Variants in LTBP1 observed in about 807,000 individuals in gnomAD.
The protein encoded by LTBP1 is latent transforming growth factor beta binding protein 1, also known as latent-transforming growth factor beta-binding protein 1.
In LTBP1, 129 loss-of-function variants were observed where a neutral mutation model predicts 207.6. The observed-to-expected ratio is 0.62, with a 90% CI of 0.54 to 0.72. LTBP1 has a LOEUF of 0.72. Among genes scored for constraint, LTBP1 ranks in the 30% least tolerant of loss-of-function variants. LTBP1 has a pLI of 0.00. For missense variants in LTBP1, 2,281 were observed against 2,217.2 expected (o/e 1.03, Z -0.58); for synonymous variants, 963 against 833.7 (o/e 1.16, Z -2.67).
At chr2:33,373,443 A>G (rs567255389) in intron 31 of LTBP1, among the ~76,000 whole-genome samples, 1 of 152,342 alleles carries the variant, frequency 6.6e-6, no homozygotes, top group South Asian at 2.1e-4. Context: ...GAATAAAAGA[A>G]TAAAGCACAA....
chr2:33,044,935 T>C (rs1353241589), intron 3 of LTBP1, among the ~76,000 whole-genome samples: 1 of 152,218 alleles, frequency 6.6e-6, no homozygotes, highest in Non-Finnish European at 1.5e-5. Flanking sequence ...GTTCATATCC[T>C]TTGCCCACTT....
intron 5 of LTBP1, among the ~76,000 whole-genome samples, chr2:33,166,742 A>G (rs1280466942): frequency 6.6e-6 from 1 of 152,226 alleles, no homozygotes; most frequent in Admixed American, 6.5e-5. Context: ...ATGAATAGGC[A>G]TATTTTAATA....
At chr2:33,206,953 T>G (rs1266994905) in intron 7 of LTBP1, among the ~76,000 whole-genome samples, 1 of 152,140 alleles carries the variant, frequency 6.6e-6, no homozygotes, top group Non-Finnish European at 1.5e-5. Context: ...ATCACATGAT[T>G]TGTGTTGTTT....
chr2:33,094,059 G>A (rs1457380690), intron 3 of LTBP1, among the ~76,000 whole-genome samples: 2 of 152,136 alleles, frequency 1.3e-5, no homozygotes, highest in Non-Finnish European at 2.9e-5. Context: ...TAGTGGGTTA[G>A]TAATGTAAGT....
At chr2:33,392,311 A>G (rs1306732655) in intron 32 of LTBP1, among the ~76,000 whole-genome samples, 1 of 151,924 alleles carries the variant, frequency 6.6e-6, no homozygotes, top group Non-Finnish European at 1.5e-5. Flanking sequence ...CAGCCTCCTG[A>G]GTAGCCCTGG....
intron 19 of LTBP1, among the ~76,000 whole-genome samples, chr2:33,288,887 G>A (rs1175186779): frequency 6.6e-6 from 1 of 151,958 alleles, no homozygotes; most frequent in Non-Finnish European, 1.5e-5. Context: ...AGAAAAGAAG[G>A]TGGAGTCTGG....
chr2:32,959,620 TA>T lies in LTBP1; in HGVS notation c.565+10676del, dbSNP rs1380399373. Among the ~76,000 whole-genome samples the T allele has an allele frequency of 6.4e-4, 28 of 43,420 alleles. 1 individual carries two copies. In the East Asian group the frequency reaches 9.9e-3, roughly 15 times the overall value. 28.5% of individuals were successfully genotyped at this position (43,420 alleles called of 152,430 possible). On this transcript the variant is annotated intron_variant, in intron 2 of 33. Coordinates refer to ENST00000404816, the MANE Select transcript of LTBP1 (RefSeq NM_206943.4). ...GTGTATATATATATATATATATATATATTTTTTTTTTTTTTTTTGAGATGGA... is the reference window on the plus strand; with the variant it reads ...GTGTATATATATATATATATATATATTTTTTTTTTTTTTTTTTGAGATGGA...
intron 3 of LTBP1, among the ~76,000 whole-genome samples, chr2:33,100,431 G>T (rs1325529571): frequency 1.3e-5 from 2 of 151,686 alleles, no homozygotes; most frequent in Non-Finnish European, 2.9e-5. Flanking sequence ...GGCAGGGGGG[G>T]CAAGAAACCC....
chr2:33,267,327 G>T (rs572566910), intron 15 of LTBP1, among the ~76,000 whole-genome samples: 7 of 152,332 alleles, frequency 4.6e-5, no homozygotes, highest in African/African-American at 1.7e-4. Flanking sequence ...GGGCTGAGTG[G>T]GTAGAACAAG....
At chr2:33,115,037 T>TATAC (rs869158793) in intron 4 of LTBP1, among the ~76,000 whole-genome samples, 12,402 of 145,066 alleles carry the variant, frequency 0.085, 613 homozygotes, top group Non-Finnish European at 0.13. Flanking sequence ...AACAGATATA[T>TATAC]ACACACACAC....
At chr2:32,963,607 G>A (rs1168585103) in intron 2 of LTBP1, among the ~76,000 whole-genome samples, 1 of 152,140 alleles carries the variant, frequency 6.6e-6, no homozygotes, top group African/African-American at 2.4e-5. Context: ...AATGTGTTTT[G>A]TACCTTTAGG....
At chr2:33,321,505 C>T (rs932576661) in intron 24 of LTBP1, among the ~76,000 whole-genome samples, 1 of 152,114 alleles carries the variant, frequency 6.6e-6, no homozygotes, top group African/African-American at 2.4e-5. Flanking sequence ...TGGGAGCAGA[C>T]GTGGGGTTTG....
chr2:33,115,922 G>A (rs1023724073), intron 4 of LTBP1, among the ~76,000 whole-genome samples: 17 of 152,162 alleles, frequency 1.1e-4, no homozygotes, highest in African/African-American at 4.1e-4. Context: ...CATACTATGT[G>A]CTGACGTAGT....
In LTBP1 at chr2:33,252,663, T is replaced by C; in HGVS notation, c.2000-14T>C. On this transcript the variant is annotated splice_polypyrimidine_tract_variant and intron_variant, in intron 10 of 33. Transcript: ENST00000404816. The stretch of plus-strand genomic sequence containing the variant: ...GTTTCTCATGTAATGTCGGGCTTTA[T>C]CTCTCTGCTTCAGCTGATCCCCCTG... The C allele has an allele frequency of 6.2e-7, 1 of 1,600,086 alleles. No homozygotes were observed. The highest frequency in any genetic ancestry group is 8.5e-7 in the Non-Finnish European group (1 of 1,170,034).
At position 33,052,594 on chromosome 2, in the gene LTBP1, C is replaced by T. The variant is rs533737235; in HGVS notation, c.863+31388C>T. ...TAAACTTATTGTCTAAAAGAAAATG[C>T]GTAGAGCCAAGATAGAGGCCCAAGT... On this transcript the variant is annotated intron_variant, in intron 3 of 33. Transcript: ENST00000404816. 4.6e-4 allele frequency among the ~76,000 whole-genome samples: 70 copies of T among 152,200 alleles called. 1 individual carries two copies. The highest frequency in any genetic ancestry group is 1.7e-3 in the African/African-American group (69 of 41,502).
At chr2:32,978,434 T>C (rs1682175841) in intron 2 of LTBP1, among the ~76,000 whole-genome samples, 1 of 152,170 alleles carries the variant, frequency 6.6e-6, no homozygotes, top group Non-Finnish European at 1.5e-5. Flanking sequence ...TTTTATCAAA[T>C]GTTTTTTCAG....
intron 2 of LTBP1, among the ~76,000 whole-genome samples, chr2:32,955,770 G>A (rs1047444920): frequency 6.6e-6 from 1 of 152,152 alleles, no homozygotes; most frequent in African/African-American, 2.4e-5. Flanking sequence ...TTATCTTTCT[G>A]TAAATGCGTG....
At chr2:33,205,503 C>G (rs1352448515) in intron 7 of LTBP1, among the ~76,000 whole-genome samples, 1 of 152,164 alleles carries the variant, frequency 6.6e-6, no homozygotes, top group Non-Finnish European at 1.5e-5. Context: ...TAGAGGTGAG[C>G]AGAGGACTCT....
At chr2:32,966,499 A>G (rs1014326070) in intron 2 of LTBP1, among the ~76,000 whole-genome samples, 1 of 152,108 alleles carries the variant, frequency 6.6e-6, no homozygotes, top group African/African-American at 2.4e-5. Context: ...ACCATTAAGT[A>G]TGGTGTTAGC....
Sources: gnomAD v4.1 joint callset for allele counts (sites outside exome capture counted in the v4.1 genomes callset) on GRCh38, gnomAD v4.1.1 for gene constraint, MANE v1.5 for transcripts, NCBI Gene and HGNC (gene_info 2026-07-23, HGNC 2026-07-21) for gene names.